AGO4: variants seen among roughly 807,000 people sequenced by gnomAD.
The protein encoded by AGO4 is protein argonaute-4.
In AGO4, 33 loss-of-function variants were observed where a neutral mutation model predicts 104.7. That is an observed-to-expected ratio of 0.32 (90% confidence interval 0.24 to 0.42). The LOEUF is 0.42. AGO4 is among the 10% of genes least tolerant of loss of function. The pLI, the probability that AGO4 is intolerant of heterozygous loss-of-function variation, is 1.00. For missense variants in AGO4, 711 were observed against 1,083.4 expected, an observed-to-expected ratio of 0.66 and a Z score of 4.83; for synonymous variants, 331 against 364.7, an observed-to-expected ratio of 0.91 and a Z score of 1.05.
At chr1:35,834,421 C>A (rs572028853) in intron 12 of AGO4, among the ~76,000 whole-genome samples, 1 of 152,274 alleles carries the variant, frequency 6.6e-6, no homozygotes, top group South Asian at 2.1e-4. Flanking sequence ...GTTGCTGGCC[C>A]CACATTCTTT....
chr1:35,825,420 T>C lies in AGO4; in HGVS notation c.414T>C (p.Ala138=), dbSNP rs370951796. The C allele has an allele frequency of 4.3e-6, 7 of 1,614,098 alleles. No homozygotes were observed. Among genetic ancestry groups the C allele is most frequent in the African/African-American group, 1.3e-5 (1 of 74,942 alleles). Residue 138 remains alanine, a synonymous_variant, in exon 4 of 18, where the codon GCT becomes GCC. Transcript: ENST00000373210. Reference sequence around the variant, plus strand: ...TTCAGTTGCTTTTAGAAGCTTTGGCTGGGCACTTGAATGAAGTCCCAGATG... The same window carrying C: ...TTCAGTTGCTTTTAGAAGCTTTGGCCGGGCACTTGAATGAAGTCCCAGATG... ...VSLQLLLEAL[A]GHLNEVPDDS...
intron 3 of AGO4, among the ~76,000 whole-genome samples, chr1:35,823,528 C>T (rs562125041): frequency 2.6e-5 from 4 of 152,276 alleles, no homozygotes; most frequent in Admixed American, 1.3e-4. Flanking sequence ...TGGGTTCAAG[C>T]GATTCTCCGG....
chr1:35,827,092 C>T (rs887980246), intron 7 of AGO4, among the ~76,000 whole-genome samples: 2 of 151,794 alleles, frequency 1.3e-5, no homozygotes, highest in Non-Finnish European at 2.9e-5. Flanking sequence ...ACACCAGGTA[C>T]TCGGGAGGCT....
chr1:35,834,807 C>T (rs1007251645), intron 12 of AGO4, among the ~76,000 whole-genome samples: 4 of 151,900 alleles, frequency 2.6e-5, no homozygotes, highest in African/African-American at 7.2e-5. Flanking sequence ...GTGATTCTCC[C>T]GTCTCAGGCT....
chr1:35,836,012 TCCCC>T lies in AGO4; in HGVS notation c.1724+20_1724+23del, dbSNP rs1332465999. The T allele has an allele frequency of 6.2e-7, 1 of 1,605,352 alleles. No individual in the cohort carries two copies. Among genetic ancestry groups the T allele is most frequent in the South Asian group, 1.1e-5 (1 of 89,154 alleles). On this transcript the variant is annotated intron_variant, in intron 13 of 17. Coordinates refer to ENST00000373210, the MANE Select transcript of AGO4 (RefSeq NM_017629.4). ...ATCAAAGGTAAGATTCTGAATGCTT[TCCCC>T]ACTTTTGTTTAAGATCTAACTTACA...
Position 35,841,203 on chromosome 1 carries a change from C to T in AGO4, c.1763C>T (p.Ala588Val), listed in dbSNP as rs1644433021. The T allele has an allele frequency of 3.1e-6, 5 of 1,612,748 alleles. No homozygotes were observed. The South Asian group carries it at 4.4e-5, about 14-fold the overall frequency. ...VFQQPVIFLGADVTHPPAGDG... is the reference protein window; with the variant it reads ...VFQQPVIFLGVDVTHPPAGDG... ...CAGCAGCCTGTCATCTTCCTGGGAG[C>T]GGATGTCACACACCCCCCAGCAGGG... is the stretch of plus-strand genomic sequence containing the variant. Residue 588 changes from alanine (A) to valine (V), a missense_variant, in exon 14 of 18, where the codon GCG (alanine) becomes GTG (valine). Physicochemically the swap from Ala to Val is moderately conservative, Grantham distance 64. This residue lies in a region of AGO4 where 401 missense variants were observed against 665.5 expected (regional missense o/e 0.60). Coordinates refer to ENST00000373210, the MANE Select transcript of AGO4 (RefSeq NM_017629.4). This position sits in a 1 kb window ranked among gnomAD's most constrained non-coding sequence, Gnocchi z 4.7.
At position 35,832,091 on chromosome 1, in the gene AGO4, C is replaced by A. The variant is rs754217047; in HGVS notation, c.1151C>A (p.Pro384Gln). ...AACAGTATGGTGGGTGGACCTGATC[C>A]ATACCTTAAAGAATTTGGTATTGTT... ...KSNSMVGGPD[P>Q]YLKEFGIVVH... The change falls in exon 10 of 18, where the codon CCA becomes CAA. Residue 384 changes from proline to glutamine, a missense_variant. Coordinates refer to ENST00000373210, the MANE Select transcript of AGO4 (RefSeq NM_017629.4). 1.2e-6 allele frequency: 2 copies of A among 1,614,132 alleles called. No individual in the cohort carries two copies. The highest frequency in any genetic ancestry group is 8.5e-7 in the Non-Finnish European group (1 of 1,180,012).
At chr1:35,824,185 T>C (rs544502323) in intron 3 of AGO4, among the ~76,000 whole-genome samples, 4 of 152,294 alleles carry the variant, frequency 2.6e-5, no homozygotes, top group African/African-American at 9.6e-5. Context: ...ATGCTCATAA[T>C]AAATTTATCC....
At chr1:35,851,721 A>C (rs904836037) in intron 17 of AGO4, among the ~76,000 whole-genome samples, 5 of 152,228 alleles carry the variant, frequency 3.3e-5, no homozygotes, top group Non-Finnish European at 2.9e-5. Context: ...TATTTCTGTA[A>C]GGGTTGAAAA....
Position 35,857,519 on chromosome 1 carries a change from G to A in AGO4, c.*3914G>A, listed in dbSNP as rs746496902. On this transcript the variant is annotated 3_prime_UTR_variant, in exon 18 of 18. Coordinates refer to ENST00000373210, the MANE Select transcript of AGO4 (RefSeq NM_017629.4). ...TGGATGTATGTCTCTAGCAATACGAGGTACTTTCTAAACTATTAAGGGAGG... is the reference window on the plus strand; with the variant it reads ...TGGATGTATGTCTCTAGCAATACGAAGTACTTTCTAAACTATTAAGGGAGG... 6.6e-6 allele frequency: 1 copy of A among 152,114 alleles called. No individual in the cohort carries two copies. The highest frequency in any genetic ancestry group is 1.5e-5 in the Non-Finnish European group (1 of 68,022). The allele number at this position is 152,114 out of a possible 1,614,324, so 9.4% of individuals were successfully genotyped here.
intron 17 of AGO4, 28 bp downstream of exon 17, chr1:35,851,081 CTT>C: frequency 6.4e-7 from 1 of 1,564,402 alleles, no homozygotes; most frequent in South Asian, 1.2e-5. Context: ...AATAAAGTCT[CTT>C]TATATTTTAG....
chr1:35,818,422 G>A (rs1025874010), intron 2 of AGO4, among the ~76,000 whole-genome samples: 21 of 151,964 alleles, frequency 1.4e-4, no homozygotes, highest in African/African-American at 4.1e-4. Context: ...TCAGGAGTTC[G>A]AGACCAGCCT....
intron 12 of AGO4, among the ~76,000 whole-genome samples, chr1:35,834,757 A>C (rs1644265570): frequency 6.6e-6 from 1 of 152,118 alleles, no homozygotes; most frequent in African/African-American, 2.4e-5. Flanking sequence ...GTGCGGTGTC[A>C]TGATCACTGC....
chr1:35,828,869 C>T (rs1006268967), intron 7 of AGO4, among the ~76,000 whole-genome samples: 8 of 152,296 alleles, frequency 5.3e-5, no homozygotes, highest in African/African-American at 1.9e-4. Flanking sequence ...CAGTGAGACA[C>T]TATATGTGAA....
intron 2 of AGO4, among the ~76,000 whole-genome samples, chr1:35,817,388 T>C (rs1643745142): frequency 2.0e-5 from 3 of 151,392 alleles, no homozygotes; most frequent in African/African-American, 7.3e-5. Flanking sequence ...TTATTATATG[T>C]TGGTTTTGGA....
chr1:35,813,434 G>A (rs1409745466), intron 1 of AGO4, among the ~76,000 whole-genome samples: 2 of 150,608 alleles, frequency 1.3e-5, no homozygotes, highest in South Asian at 4.2e-4. Context: ...AATACTTTTA[G>A]TATAAATTAT....
intron 12 of AGO4, 132 bp downstream of exon 12, chr1:35,834,306 G>A: frequency 1.2e-6 from 1 of 816,814 alleles, no homozygotes; most frequent in Non-Finnish European, 1.7e-6. Flanking sequence ...TTTGTTTCTT[G>A]CTCCTGTTAT....
chr1:35,816,049 A>G (rs539196162), intron 1 of AGO4, among the ~76,000 whole-genome samples: 1 of 152,340 alleles, frequency 6.6e-6, no homozygotes, highest in African/African-American at 2.4e-5. Flanking sequence ...ATATCAAGTT[A>G]TAAACGAGAA....
intron 1 of AGO4, among the ~76,000 whole-genome samples, chr1:35,813,766 AGAAG>A (rs1643587894): frequency 6.6e-6 from 1 of 151,566 alleles, no homozygotes; most frequent in African/African-American, 2.4e-5. Context: ...GAAAAAAAGA[AGAAG>A]AAGAAGAAGA....
Sources: allele counts gnomAD v4.1 joint callset (sites outside exome capture counted in the v4.1 genomes callset), GRCh38; gene constraint gnomAD v4.1.1; regional missense constraint gnomAD v4.1.1; non-coding constraint Gnocchi (gnomAD v3.1); transcripts MANE v1.5; gene names NCBI Gene and HGNC (gene_info 2026-07-23, HGNC 2026-07-21).